Variants in PKHD1 observed in about 807,000 individuals in gnomAD.
The protein encoded by PKHD1 is PKHD1 ciliary IPT domain containing fibrocystin/polyductin.
PKHD1 carries 291 observed loss-of-function variants against 412.0 expected under a neutral mutation model. The observed-to-expected ratio is 0.71, with a 90% CI of 0.64 to 0.78. The LOEUF is 0.78. Among genes scored for constraint, PKHD1 ranks in the 30% least tolerant of loss-of-function variants. The pLI, the probability that PKHD1 is intolerant of heterozygous loss-of-function variation, is 0.00. For synonymous variants in PKHD1, 1,777 were observed against 1,821.5 expected (o/e 0.98, Z 0.62); for missense variants, 4,825 against 4,950.7 (o/e 0.97, Z 0.76).
At chr6:51,713,433 C>T (rs1780879133) in intron 60 of PKHD1, among the ~76,000 whole-genome samples, 1 of 152,206 alleles carries the variant, frequency 6.6e-6, no homozygotes. Context: ...ACTCCTCCTC[C>T]TCTACTCACT....
chr6:51,850,294 T>C (rs1435608664), intron 49 of PKHD1, among the ~76,000 whole-genome samples: 3 of 152,226 alleles, frequency 2.0e-5, no homozygotes, highest in Non-Finnish European at 2.9e-5. Flanking sequence ...TTGGTTACTG[T>C]AGACTTGCAG....
intron 35 of PKHD1, among the ~76,000 whole-genome samples, chr6:51,981,333 CCCTCT>C (rs1795172795): frequency 3.5e-4 from 18 of 51,920 alleles, no homozygotes; most frequent in South Asian, 2.4e-3. Context: ...CTCTCCCTCT[CCCTCT>C]CCCTCTCCCT....
At chr6:52,021,391 G>T (rs370102757) in intron 33 of PKHD1, among the ~76,000 whole-genome samples, 2 of 152,094 alleles carry the variant, frequency 1.3e-5, no homozygotes, top group Non-Finnish European at 2.9e-5. Flanking sequence ...ATAACACGGG[G>T]CTTTTAAAAG....
chr6:51,803,174 C>CTTTTA (rs1342362768), intron 52 of PKHD1, among the ~76,000 whole-genome samples: 2 of 151,334 alleles, frequency 1.3e-5, no homozygotes, highest in Non-Finnish European at 2.9e-5. Flanking sequence ...TACAAAATAA[C>CTTTTA]TTCTGTAGAA....
intron 31 of PKHD1, among the ~76,000 whole-genome samples, chr6:52,026,904 T>C (rs1802272571): frequency 2.0e-5 from 3 of 152,130 alleles, no homozygotes; most frequent in Non-Finnish European, 4.4e-5. Flanking sequence ...TTTAAGAGGA[T>C]TTTACTATAC....
At chr6:51,930,927 C>A (rs1003861403) in intron 37 of PKHD1, among the ~76,000 whole-genome samples, 1 of 152,122 alleles carries the variant, frequency 6.6e-6, no homozygotes. Context: ...CACATGATCT[C>A]CAAGGTTAAA....
At chr6:51,903,575 C>G (rs756650321) in intron 43 of PKHD1, 22 bp downstream of exon 43, 1 of 1,605,058 alleles carries the variant, frequency 6.2e-7, no homozygotes, top group South Asian at 1.1e-5. Flanking sequence ...TCTGGTCTTC[C>G]TGGTAGAGCT....
intron 35 of PKHD1, among the ~76,000 whole-genome samples, chr6:51,975,514 A>G (rs1794256867): frequency 1.3e-5 from 2 of 151,898 alleles, no homozygotes; most frequent in Non-Finnish European, 2.9e-5. Context: ...TCCAAAGAAG[A>G]TATACGGATG....
intron 60 of PKHD1, among the ~76,000 whole-genome samples, chr6:51,718,963 TG>T (rs1218724280): frequency 5.3e-5 from 8 of 152,168 alleles, no homozygotes; most frequent in Admixed American, 5.2e-4. Context: ...TAAACTGTTT[TG>T]ATATTTCATG....
chr6:51,908,334 C>T (rs1562592518), intron 40 of PKHD1, among the ~76,000 whole-genome samples: 1 of 152,100 alleles, frequency 6.6e-6, no homozygotes, highest in African/African-American at 2.4e-5. Flanking sequence ...TGTTAGAATC[C>T]TAGCATCTCT....
At chr6:51,922,259 C>T (rs1784822789) in intron 37 of PKHD1, among the ~76,000 whole-genome samples, 1 of 152,236 alleles carries the variant, frequency 6.6e-6, no homozygotes, top group Non-Finnish European at 1.5e-5. Context: ...CCAGCAGAGG[C>T]TGAAGAACAG....
At chr6:51,776,517 T>TA (rs1211863360) in intron 53 of PKHD1, among the ~76,000 whole-genome samples, 1 of 152,044 alleles carries the variant, frequency 6.6e-6, no homozygotes, top group Non-Finnish European at 1.5e-5. Context: ...ACCTGCCTGA[T>TA]ACACTGTCTA....
At chr6:51,936,511 G>A (rs942273781) in intron 36 of PKHD1, among the ~76,000 whole-genome samples, 1 of 152,204 alleles carries the variant, frequency 6.6e-6, no homozygotes, top group African/African-American at 2.4e-5. Context: ...ACAGCTGGAA[G>A]TAGTTAAACA....
intron 43 of PKHD1, among the ~76,000 whole-genome samples, chr6:51,895,593 T>C (rs1042551575): frequency 1.3e-5 from 2 of 152,160 alleles, no homozygotes; most frequent in Non-Finnish European, 2.9e-5. Context: ...GCAACTACCA[T>C]GTTTTAGAAA....
At position 51,616,508 on chromosome 6, in the gene PKHD1, G is replaced by A. The variant is rs1486623359; in HGVS notation, c.*2573C>T. On this transcript the variant is annotated 3_prime_UTR_variant, in exon 67 of 67. Coordinates refer to ENST00000371117, the MANE Select transcript of PKHD1 (RefSeq NM_138694.4). ...CATAGAGCTGCTCTCTTTGCTTTTGGTGTTTCCCTAATTCTCTCATTTTTT... is the reference window on the plus strand; with the variant it reads ...CATAGAGCTGCTCTCTTTGCTTTTGATGTTTCCCTAATTCTCTCATTTTTT... 3 of 392,684 alleles carry A rather than the reference G, an allele frequency of 7.6e-6. No individual in the cohort carries two copies. The highest frequency in any genetic ancestry group is 2.1e-5 in the African/African-American group (1 of 48,222). The allele number at this position is 392,684 out of a possible 1,614,324, so 24.3% of individuals were successfully genotyped here.
intron 55 of PKHD1, 87 bp from the exon 56 acceptor site, chr6:51,755,025 T>C (rs999538236): frequency 9.0e-7 from 1 of 1,114,384 alleles, no homozygotes; most frequent in Non-Finnish European, 1.4e-6. Flanking sequence ...GGAAATCCAC[T>C]GTGACCAACA....
intron 28 of PKHD1, 91 bp downstream of exon 28, chr6:52,035,500 C>A (rs1803798457): frequency 2.5e-6 from 3 of 1,193,466 alleles, no homozygotes; most frequent in Non-Finnish European, 3.8e-6. Flanking sequence ...TACATCAGTT[C>A]ATTTAGTTCT....
At chr6:52,044,886 G>T in intron 25 of PKHD1, 80 bp downstream of exon 25, 1 of 1,509,356 alleles carries the variant, frequency 6.6e-7, no homozygotes, top group Non-Finnish European at 9.2e-7. Context: ...CTAAATCAAT[G>T]AGTCCATGTT....
intron 41 of PKHD1, among the ~76,000 whole-genome samples, chr6:51,904,729 TA>T (rs1562584314): frequency 6.6e-6 from 1 of 152,208 alleles, no homozygotes; most frequent in Non-Finnish European, 1.5e-5. Context: ...ATTCAAGCAC[TA>T]AAGGCTAAAT....
Sources: allele counts gnomAD v4.1 joint callset (sites outside exome capture counted in the v4.1 genomes callset), GRCh38; gene constraint gnomAD v4.1.1; transcripts MANE v1.5; gene names NCBI Gene and HGNC (gene_info 2026-07-23, HGNC 2026-07-21).